ADGRV1: variants seen among roughly 807,000 people sequenced by gnomAD.
The protein encoded by ADGRV1 is G-protein coupled receptor 98.
Under a neutral mutation model 596.2 loss-of-function variants are expected in ADGRV1, and 359 were observed. The observed-to-expected ratio is 0.60, with a 90% confidence interval of 0.55 to 0.66. The LOEUF is 0.66. Among genes scored for constraint, ADGRV1 ranks in the 30% least tolerant of loss-of-function variants. The pLI is 0.00. For missense variants in ADGRV1, 7,274 were observed against 7,575.6 expected, an observed-to-expected ratio of 0.96 and a Z score of 1.48; for synonymous variants, 2,681 against 2,679.2, an observed-to-expected ratio of 1.00 and a Z score of -0.02.
chr5:90,834,238 G>C (rs189438715), intron 77 of ADGRV1, among the ~76,000 whole-genome samples: 77 of 152,218 alleles, frequency 5.1e-4, no homozygotes, highest in Non-Finnish European at 8.2e-4. Context: ...TTAACCATGA[G>C]TTTTGTACAT....
intron 50 of ADGRV1, among the ~76,000 whole-genome samples, chr5:90,733,805 T>C (rs911093827): frequency 6.6e-6 from 1 of 152,190 alleles, no homozygotes; most frequent in Non-Finnish European, 1.5e-5. Context: ...TGAAATGTAC[T>C]CTTAGTTATT....
chr5:90,586,203 T>A (rs1041466547), intron 1 of ADGRV1, among the ~76,000 whole-genome samples: 3 of 152,224 alleles, frequency 2.0e-5, no homozygotes, highest in Admixed American at 1.3e-4. Context: ...ATTATCAAGA[T>A]TTTGCCATAC....
chr5:90,665,016 A>C (rs930438163), intron 21 of ADGRV1, among the ~76,000 whole-genome samples: 2 of 151,858 alleles, frequency 1.3e-5, no homozygotes. Flanking sequence ...TCGGTTTGCC[A>C]GTATTTTATT....
intron 50 of ADGRV1, among the ~76,000 whole-genome samples, chr5:90,736,681 A>G (rs965058410): frequency 1.3e-5 from 2 of 151,862 alleles, no homozygotes; most frequent in African/African-American, 4.8e-5. Context: ...CTATCTCTTC[A>G]TGATTCAGTC....
At position 90,674,069 on chromosome 5, in the gene ADGRV1, G is replaced by A; in HGVS notation, c.4945G>A (p.Val1649Ile). 1 of 1,610,558 alleles carries A rather than the reference G, an allele frequency of 6.2e-7. No individual in the cohort carries two copies. Among genetic ancestry groups the A allele is most frequent in the Non-Finnish European group, 8.5e-7 (1 of 1,177,388 alleles). The change falls in exon 23 of 90, where the codon GTT becomes ATT. Residue 1649 changes from valine to isoleucine, a missense_variant. Physicochemically the swap from Val to Ile is conservative, Grantham distance 29. Transcript: ENST00000405460. ...WQRSEVLNIY[V>I]LDDDIPELNE... ...ATATTTTTAGGTTCTGAATATATAT[G>A]TTCTTGATGATGATATTCCTGAACT... is the stretch of plus-strand genomic sequence containing the variant.
At position 90,637,963 on chromosome 5, in the gene ADGRV1, A is replaced by G; in HGVS notation, c.2240+15A>G. 1.3e-6 allele frequency: 2 copies of G among 1,569,694 alleles called. No individual in the cohort carries two copies. Among genetic ancestry groups the G allele is most frequent in the Non-Finnish European group, 1.8e-6 (2 of 1,141,608 alleles). On this transcript the variant is annotated intron_variant, in intron 11 of 89. Transcript: ENST00000405460. ...TCTCTAGACAGGTAATAACCCATTTAGGTAATGTTTAGTATCATTTATGTT... is the reference window on the plus strand; with the variant it reads ...TCTCTAGACAGGTAATAACCCATTTGGGTAATGTTTAGTATCATTTATGTT...
chr5:90,658,899 G>A (rs1395239265), intron 21 of ADGRV1, among the ~76,000 whole-genome samples: 1 of 152,148 alleles, frequency 6.6e-6, no homozygotes, highest in African/African-American at 2.4e-5. Context: ...GGTGTTCTGT[G>A]TGACAGCAAC....
At chr5:91,035,861 T>TAATATATATATATATATAATATATATAA in intron 85 of ADGRV1, among the ~76,000 whole-genome samples, 10 of 96,404 alleles carry the variant, frequency 1.0e-4, no homozygotes, top group South Asian at 3.5e-4. Flanking sequence ...TATATATATA[T>TAATATATATATATATATAATATATATAA]TATATATATA....
At chr5:90,986,247 T>C (rs1780495746) in intron 85 of ADGRV1, among the ~76,000 whole-genome samples, 1 of 151,400 alleles carries the variant, frequency 6.6e-6, no homozygotes, top group Non-Finnish European at 1.5e-5. Flanking sequence ...CAATTCTTGG[T>C]ATAAGGAAGA....
Position 90,646,074 on chromosome 5 carries a change from A to G in ADGRV1, c.3005A>G (p.Asp1002Gly). The change falls in exon 16 of 90, where the codon GAC (aspartate) becomes GGC (glycine). Residue 1002 changes from aspartate (D) to glycine (G), a missense_variant. By Grantham distance (94) the Asp-to-Gly change is moderately conservative. Transcript: ENST00000405460. The stretch of plus-strand genomic sequence containing the variant: ...ACTCTGAGGATTAGAAGAAATGATG[A>G]CCCCATTTATTTTGCAGGTGGTATT... ...TATLRIRRND[D>G]PIYFAEPRVV... 6.3e-7 allele frequency: 1 copy of G among 1,577,958 alleles called. No individual in the cohort carries two copies. The highest frequency in any genetic ancestry group is 1.2e-5 in the South Asian group (1 of 85,026).
At chr5:91,036,459 G>A (rs888148554) in intron 85 of ADGRV1, among the ~76,000 whole-genome samples, 3 of 152,106 alleles carry the variant, frequency 2.0e-5, no homozygotes, top group Non-Finnish European at 2.9e-5. Context: ...CTACTTGGGA[G>A]GCTGAGGCAG....
intron 42 of ADGRV1, among the ~76,000 whole-genome samples, chr5:90,715,786 C>G (rs531519327): frequency 6.7e-4 from 102 of 151,922 alleles, no homozygotes; most frequent in African/African-American, 2.4e-3. Context: ...TTCAAATTAC[C>G]TGAATGTCCT....
chr5:90,974,230 C>T (rs1221534342), intron 84 of ADGRV1, among the ~76,000 whole-genome samples: 1 of 152,172 alleles, frequency 6.6e-6, no homozygotes, highest in Non-Finnish European at 1.5e-5. Context: ...ACATTCCATG[C>T]TCATGGATAG....
At chr5:90,727,106 G>C (rs1751895501) in intron 48 of ADGRV1, among the ~76,000 whole-genome samples, 1 of 152,038 alleles carries the variant, frequency 6.6e-6, no homozygotes, top group East Asian at 1.9e-4. Context: ...ATTAGTGGGG[G>C]GGATGGGGTC....
chr5:91,019,190 G>A (rs1046920462), intron 85 of ADGRV1, among the ~76,000 whole-genome samples: 1 of 151,976 alleles, frequency 6.6e-6, no homozygotes, highest in Non-Finnish European at 1.5e-5. Flanking sequence ...AAGCAGGGAA[G>A]ATGAGGTCAG....
intron 79 of ADGRV1, among the ~76,000 whole-genome samples, chr5:90,849,600 G>A (rs1255342162): frequency 2.0e-5 from 3 of 152,076 alleles, no homozygotes; most frequent in Non-Finnish European, 4.4e-5. Context: ...ATGTTGCTCA[G>A]GCTGGTCTTG....
At chr5:90,752,517 A>G (rs1201607580) in intron 53 of ADGRV1, among the ~76,000 whole-genome samples, 1 of 152,074 alleles carries the variant, frequency 6.6e-6, no homozygotes, top group Non-Finnish European at 1.5e-5. Context: ...TGTTCTCAAC[A>G]TTTAGCTCCC....
chr5:91,141,004 A>G (rs1795052530), intron 87 of ADGRV1, among the ~76,000 whole-genome samples: 1 of 152,240 alleles, frequency 6.6e-6, no homozygotes, highest in African/African-American at 2.4e-5. Flanking sequence ...GGTATTTACC[A>G]CTAAGAGACT....
intron 83 of ADGRV1, among the ~76,000 whole-genome samples, chr5:90,935,749 C>T (rs1237870357): frequency 2.6e-5 from 4 of 152,098 alleles, no homozygotes; most frequent in Admixed American, 6.5e-5. Context: ...TCATATGACT[C>T]GAGGCAGTGT....
Sources: gnomAD v4.1 joint callset for allele counts (sites outside exome capture counted in the v4.1 genomes callset) on GRCh38, gnomAD v4.1.1 for gene constraint, MANE v1.5 for transcripts, NCBI Gene and HGNC (gene_info 2026-07-23, HGNC 2026-07-21) for gene names.